DNAH9: variants seen among roughly 807,000 people sequenced by gnomAD.
DNAH9 encodes DNAH9 variant protein.
DNAH9 carries 345 observed loss-of-function variants against 471.6 expected under a neutral mutation model. The observed-to-expected ratio is 0.73, with a 90% CI of 0.67 to 0.80. DNAH9 has a LOEUF of 0.80. DNAH9 is among the 30% of genes least tolerant of loss of function. The probability of loss-of-function intolerance (pLI) is 0.00; values close to 1 mark genes in which losing one functional copy is unlikely to be tolerated. For missense variants in DNAH9, 5,407 were observed against 5,609.2 expected, an observed-to-expected ratio of 0.96 and a Z score of 1.15; for synonymous variants, 2,093 against 2,123.6, an observed-to-expected ratio of 0.99 and a Z score of 0.40.
chr17:11,726,920 C>T (rs774523733), intron 27 of DNAH9, among the ~76,000 whole-genome samples: 40 of 151,958 alleles, frequency 2.6e-4, no homozygotes, highest in South Asian at 1.2e-3. Context: ...TGGTGGTGCA[C>T]GCCTGTAATC....
chr17:11,739,256 G>GA (rs1168522521), intron 29 of DNAH9, among the ~76,000 whole-genome samples: 1 of 152,164 alleles, frequency 6.6e-6, no homozygotes, highest in Non-Finnish European at 1.5e-5. Flanking sequence ...TACGTTGGTA[G>GA]CCTGCATTTG....
At chr17:11,826,458 T>G (rs1378157718) in intron 48 of DNAH9, among the ~76,000 whole-genome samples, 1 of 84,108 alleles carries the variant, frequency 1.2e-5, no homozygotes, top group Non-Finnish European at 2.2e-5. Flanking sequence ...TTTCTTGGTT[T>G]TTTTTTTTTT....
rs534568508 is a variant in DNAH9 at position 11,876,715 on chromosome 17, G to T, written c.10478+1531G>T. Among the ~76,000 whole-genome samples the T allele has an allele frequency of 1.7e-3, 261 of 151,896 alleles. 4 individuals are homozygous for T. The highest frequency in any genetic ancestry group is 4.0e-3 in the African/African-American group (166 of 41,388). On this transcript the variant is annotated intron_variant, in intron 53 of 68. Transcript: ENST00000262442. ...CAGAGTTTCAGGTTTTGTTTTTTTT[G>T]TTTGTTTGTTTGTTTGTTTTTTGAG...
chr17:11,660,595 T>C (rs1443229829), intron 14 of DNAH9, among the ~76,000 whole-genome samples: 2 of 152,222 alleles, frequency 1.3e-5, no homozygotes, highest in Non-Finnish European at 2.9e-5. Flanking sequence ...ACTGCTGGGA[T>C]TACAGGTGTG....
rs773487075 is a variant in DNAH9, at chr17:11,699,712, G to C, written c.4873-19G>C. On this transcript the variant is annotated intron_variant, in intron 22 of 68. Transcript: ENST00000262442. ...CCCGAACATGTTTTATGATCCATTGGCCTGGTTTCCCTTCATAGGTTCAAC... is the reference window on the plus strand; with the variant it reads ...CCCGAACATGTTTTATGATCCATTGCCCTGGTTTCCCTTCATAGGTTCAAC... 1.9e-6 allele frequency: 3 copies of C among 1,612,768 alleles called. No homozygotes were observed. The East Asian group carries it at 6.7e-5, about 36-fold the overall frequency.
intron 56 of DNAH9, among the ~76,000 whole-genome samples, chr17:11,885,504 T>C (rs184715204): frequency 3.9e-5 from 6 of 152,250 alleles, no homozygotes; most frequent in Admixed American, 3.9e-4. Flanking sequence ...TTTGTAACAA[T>C]TTCCTGAGAT....
At position 11,704,386 on chromosome 17, in the gene DNAH9, A is replaced by C; in HGVS notation, c.5335A>C (p.Ile1779Leu). Residue 1779 changes from isoleucine (I) to leucine (L), a missense_variant, in exon 25 of 69, where the codon ATA becomes CTA. Transcript: ENST00000262442. ...SKGDRQKIMT[I>L]CTIDVHARDV... ...GGGAGACCGGCAGAAGATTATGACT[A>C]TATGCACCATCGATGTGCATGCCCG... 6.2e-7 allele frequency: 1 copy of C among 1,614,036 alleles called. No individual in the cohort carries two copies.
chr17:11,609,645 T>C (rs1173594396), intron 2 of DNAH9, among the ~76,000 whole-genome samples: 1 of 152,234 alleles, frequency 6.6e-6, no homozygotes, highest in African/African-American at 2.4e-5. Context: ...GTGTCCTTGA[T>C]TCTTTGCACC....
chr17:11,637,915 G>A (rs1454919602), intron 9 of DNAH9, among the ~76,000 whole-genome samples: 1 of 152,172 alleles, frequency 6.6e-6, no homozygotes, highest in East Asian at 1.9e-4. Context: ...GTCTTGAGCT[G>A]AGCCCTAAAA....
chr17:11,622,603 A>G (rs2072891004), intron 6 of DNAH9, among the ~76,000 whole-genome samples: 1 of 152,186 alleles, frequency 6.6e-6, no homozygotes. Flanking sequence ...TGGGAATGGT[A>G]GCAGAGCATG....
At chr17:11,617,730 G>C in intron 5 of DNAH9, 108 bp downstream of exon 5, 1 of 735,486 alleles carries the variant, frequency 1.4e-6, no homozygotes, top group Non-Finnish European at 2.3e-6. Flanking sequence ...AAATAATTAT[G>C]TTCCAAAGAG....
Position 11,602,676 on chromosome 17 carries a change from C to T in DNAH9, c.417+3761C>T, listed in dbSNP as rs11654901. On this transcript the variant is annotated intron_variant, in intron 1 of 68. Transcript: ENST00000262442. ...TCTAATATGTGGTTATTTCCAAAGA[C>T]ATGTGAATGACCCTTCCAATAACTT... 5.8e-3 allele frequency among the ~76,000 whole-genome samples: 888 copies of T among 152,322 alleles called. 6 individuals carry two copies. The highest frequency in any genetic ancestry group is 9.5e-3 in the Non-Finnish European group (645 of 68,024).
Position 11,598,908 on chromosome 17 carries a change from T to G in DNAH9, c.410T>G (p.Phe137Cys), listed in dbSNP as rs938086283. The G allele has an allele frequency of 1.3e-6, 2 of 1,528,214 alleles. No homozygotes were observed. Among genetic ancestry groups the G allele is most frequent in the African/African-American group, 1.4e-5 (1 of 70,502 alleles). The allele number at this position is 1,528,214 out of a possible 1,614,324, so 94.7% of individuals were successfully genotyped here. ...AAPLEHLAALFSEVVLPVLAN... is the reference protein window; with the variant it reads ...AAPLEHLAALCSEVVLPVLAN... ...CCTCTGGAGCACCTAGCCGCGCTGTTCTCGGAGGTGAGGGTGGGTTAGTGT... is the reference window on the plus strand; with the variant it reads ...CCTCTGGAGCACCTAGCCGCGCTGTGCTCGGAGGTGAGGGTGGGTTAGTGT... Residue 137 changes from phenylalanine (F) to cysteine (C), a missense_variant, in exon 1 of 69, where the codon TTC becomes TGC. Around this residue, in one of 3 missense-constraint regions of DNAH9, gnomAD observed 767 missense variants for 692.5 expected, o/e 1.11. Transcript: ENST00000262442.
chr17:11,763,407 G>C (rs751066252), intron 35 of DNAH9, 33 bp from the exon 36 acceptor site: 1 of 1,596,934 alleles, frequency 6.3e-7, no homozygotes, highest in South Asian at 1.1e-5. Flanking sequence ...AATATCCTCT[G>C]TGTTTCAGAT....
At chr17:11,870,759 C>T (rs899790203) in intron 51 of DNAH9, among the ~76,000 whole-genome samples, 1 of 152,076 alleles carries the variant, frequency 6.6e-6, no homozygotes, top group Non-Finnish European at 1.5e-5. Context: ...AGTCAGTGCT[C>T]ATGGGAGGCA....
Position 11,784,366 on chromosome 17 carries a change from A to G in DNAH9, c.7888A>G (p.Ile2630Val). 1.2e-6 allele frequency: 2 copies of G among 1,614,152 alleles called. No individual in the cohort carries two copies. The highest frequency in any genetic ancestry group is 1.7e-6 in the Non-Finnish European group (2 of 1,180,030). The stretch of plus-strand genomic sequence containing the variant: ...TGCCCTGTCCTCTATCTACAGCATC[A>G]TCCTCACTCAGCATCTGAAGCTCGG... ...ADALSSIYSI[I>V]LTQHLKLGNF... Residue 2630 changes from isoleucine (I) to valine (V), a missense_variant, in exon 41 of 69, where the codon ATC becomes GTC. This residue lies in a region of DNAH9 where 4,636 missense variants were observed against 4,900.3 expected (regional missense o/e 0.95). Coordinates refer to ENST00000262442, the MANE Select transcript of DNAH9 (RefSeq NM_001372.4).
At chr17:11,700,999 T>A (rs1415563189) in intron 23 of DNAH9, 123 bp from the exon 24 acceptor site, 1 of 1,019,030 alleles carries the variant, frequency 9.8e-7, no homozygotes. Context: ...TGGCAGCCAC[T>A]TGGGGCTGTA....
At position 11,669,160 on chromosome 17, in the gene DNAH9, G is replaced by T. The variant is rs2073933624; in HGVS notation, c.2828G>T (p.Gly943Val). 1.2e-6 allele frequency: 2 copies of T among 1,613,688 alleles called. No homozygotes were observed. The highest frequency in any genetic ancestry group is 1.7e-6 in the Non-Finnish European group (2 of 1,179,794). Reference protein sequence around the residue: ...FYPSLESGVKGGFCDIVEGLI... With the variant: ...FYPSLESGVKVGFCDIVEGLI... ...CCGTCTCTGGAGTCTGGAGTGAAGG[G>T]GGGTTTCTGTGACATTGTTGAGGGT... Residue 943 changes from glycine to valine, a missense_variant, in exon 16 of 69, where the codon GGG (glycine) becomes GTG (valine). Around this residue, in one of 3 missense-constraint regions of DNAH9, gnomAD observed 4,636 missense variants for 4,900.3 expected, o/e 0.95. Coordinates refer to ENST00000262442, the MANE Select transcript of DNAH9 (RefSeq NM_001372.4).
At chr17:11,936,043 T>C (rs1974703414) in intron 65 of DNAH9, among the ~76,000 whole-genome samples, 1 of 152,180 alleles carries the variant, frequency 6.6e-6, no homozygotes, top group Non-Finnish European at 1.5e-5. Flanking sequence ...GTTTTTCTTA[T>C]TCAGCAAGGG....
Sources: gnomAD v4.1 joint callset for allele counts (sites outside exome capture counted in the v4.1 genomes callset) on GRCh38, gnomAD v4.1.1 for gene constraint, gnomAD v4.1.1 regional missense constraint, MANE v1.5 for transcripts, NCBI Gene and HGNC (gene_info 2026-07-23, HGNC 2026-07-21) for gene names.